GMEB1: variants seen among roughly 807,000 people sequenced by gnomAD.
GMEB1 encodes the protein glucocorticoid modulatory element binding protein 1, also known as glucocorticoid modulatory element-binding protein 1.
A neutral mutation model predicts 52.4 loss-of-function variants in GMEB1; 6 were observed. The observed-to-expected ratio is 0.11, with a 90% CI of 0.06 to 0.23. The LOEUF (loss-of-function observed/expected upper bound fraction) is 0.23, where lower values mean the gene tolerates loss of function less well. Ranked by LOEUF, GMEB1 falls within the 10% of genes least tolerant of loss-of-function variation. The pLI, the probability that GMEB1 is intolerant of heterozygous loss-of-function variation, is 1.00. For synonymous variants in GMEB1, 255 were observed against 244.9 expected, an observed-to-expected ratio of 1.04 and a Z score of -0.38; for missense variants, 486 against 685.6, an observed-to-expected ratio of 0.71 and a Z score of 3.25.
chr1:28,716,353 G>A lies in GMEB1; in HGVS notation c.*1580G>A, dbSNP rs955281040. ...AGGGAGTTCCTCAATGAAACCAGCT[G>A]CCTTTTTTGGTGGGGCCATTTTTTT... On this transcript the variant is annotated 3_prime_UTR_variant, in exon 10 of 10. Transcript: ENST00000373816. 6.6e-6 allele frequency: 1 copy of A among 152,156 alleles called. No homozygotes were observed. Among genetic ancestry groups the A allele is most frequent in the Non-Finnish European group, 1.5e-5 (1 of 68,040 alleles). 9.4% of individuals were successfully genotyped at this position (152,156 alleles called of 1,614,324 possible).
chr1:28,679,071 A>G (rs1669282596), intron 1 of GMEB1, among the ~76,000 whole-genome samples: 1 of 151,776 alleles, frequency 6.6e-6, no homozygotes, highest in Admixed American at 6.6e-5. Flanking sequence ...TATTTTTAGC[A>G]GAGACGGTTT....
intron 6 of GMEB1, among the ~76,000 whole-genome samples, chr1:28,699,619 G>A (rs1261395831): frequency 6.6e-6 from 1 of 151,844 alleles, no homozygotes; most frequent in Non-Finnish European, 1.5e-5. Context: ...TAGTAGAGAC[G>A]GAGTTTCACC....
intron 8 of GMEB1, among the ~76,000 whole-genome samples, chr1:28,705,445 CTT>C (rs34597945): frequency 1.5e-4 from 19 of 123,072 alleles, no homozygotes; most frequent in Non-Finnish European, 2.7e-4. Flanking sequence ...TATGTATTTT[CTT>C]TTTTTTTTTT....
chr1:28,675,167 G>A (rs1486043388), intron 1 of GMEB1, among the ~76,000 whole-genome samples: 5 of 151,426 alleles, frequency 3.3e-5, no homozygotes, highest in African/African-American at 1.2e-4. Flanking sequence ...ACAGGCGTGC[G>A]CTACCACGCT....
At chr1:28,693,637 G>C (rs192064194) in intron 5 of GMEB1, among the ~76,000 whole-genome samples, 1 of 152,112 alleles carries the variant, frequency 6.6e-6, no homozygotes, top group Non-Finnish European at 1.5e-5. Context: ...GTTTTTAGTA[G>C]AGACGGGGTT....
At chr1:28,687,908 A>G (rs1669762203) in intron 2 of GMEB1, among the ~76,000 whole-genome samples, 1 of 152,098 alleles carries the variant, frequency 6.6e-6, no homozygotes, top group Admixed American at 6.6e-5. Flanking sequence ...AGGAAGAAGA[A>G]TAGTTTGAGG....
rs766282643 is a variant in GMEB1 at position 28,697,075 on chromosome 1, T to C, written c.589T>C (p.Ser197Pro). ...GACAAGTGTGGTGCAGACACCCACTTCGGCTGATGGTAGGGGGTAGGAAAC... is the reference window on the plus strand; with the variant it reads ...GACAAGTGTGGTGCAGACACCCACTCCGGCTGATGGTAGGGGGTAGGAAAC... ...QQTSVVQTPT[S>P]ADGSITQIAI... The change falls in exon 6 of 10, where the codon TCG becomes CCG. Residue 197 changes from serine to proline, a missense_variant. Physicochemically the swap from Ser to Pro is moderately conservative, Grantham distance 74. Coordinates refer to ENST00000373816, the MANE Select transcript of GMEB1 (RefSeq NM_001319674.2). The C allele has an allele frequency of 6.2e-7, 1 of 1,603,322 alleles. No homozygotes were observed. Among genetic ancestry groups the C allele is most frequent in the South Asian group, 1.1e-5 (1 of 89,590 alleles).
chr1:28,692,333 AC>A (rs1399753251), intron 4 of GMEB1, among the ~76,000 whole-genome samples: 2 of 152,066 alleles, frequency 1.3e-5, no homozygotes, highest in Admixed American at 6.6e-5. Flanking sequence ...GGAGGTAGAG[AC>A]CAGCCTGGAC....
At chr1:28,680,978 A>C (rs1669364502) in intron 1 of GMEB1, among the ~76,000 whole-genome samples, 2 of 152,082 alleles carry the variant, frequency 1.3e-5, no homozygotes, top group East Asian at 3.8e-4. Flanking sequence ...CAGAAGGCGG[A>C]GGTTATAGTG....
In GMEB1 at chr1:28,716,656, G is replaced by A. The variant is rs1320649850; in HGVS notation, c.*1883G>A. 6.6e-6 allele frequency: 1 copy of A among 151,754 alleles called. No homozygotes were observed. The highest frequency in any genetic ancestry group is 2.4e-5 in the African/African-American group (1 of 41,320). 9.4% of individuals were successfully genotyped at this position (151,754 alleles called of 1,614,324 possible). A position where few individuals can be genotyped will look rare whatever the true frequency, so the allele number is the denominator to read the frequency against. The stretch of plus-strand genomic sequence containing the variant: ...CTGAGGCACCAACTAGATGTCTCTT[G>A]AGTGAGCTGGACTCCCTGGGAAAGA... On this transcript the variant is annotated 3_prime_UTR_variant, in exon 10 of 10. Coordinates refer to ENST00000373816, the MANE Select transcript of GMEB1 (RefSeq NM_001319674.2).
At chr1:28,706,189 G>T (rs1222401622) in intron 8 of GMEB1, among the ~76,000 whole-genome samples, 1 of 150,282 alleles carries the variant, frequency 6.7e-6, no homozygotes, top group Non-Finnish European at 1.5e-5. Context: ...AATAAATAAA[G>T]ATTATTCTCA....
chr1:28,705,040 A>C (rs1182308089), intron 8 of GMEB1, among the ~76,000 whole-genome samples: 1 of 148,570 alleles, frequency 6.7e-6, no homozygotes, highest in Non-Finnish European at 1.5e-5. Context: ...CTATGATCAT[A>C]GGACTCTACT....
upstream of GMEB1, chr1:28,668,742 T>TGGC (rs35229620): frequency 0.06 from 9,138 of 152,744 alleles, 363 homozygotes; most frequent in East Asian, 0.14. Flanking sequence ...AAGCCCGGCC[T>TGGC]GGCGGCGGCG....
rs6687535 is a variant in GMEB1, at chr1:28,704,138, A to G, written c.731-54A>G. On this transcript the variant is annotated intron_variant, in intron 7 of 9. Coordinates refer to ENST00000373816, the MANE Select transcript of GMEB1 (RefSeq NM_001319674.2). ...AATTTAACGTTGTAGAGATTTGCCTAAGTATCTAGGTAGTGTCTCTTTTTT... is the reference window on the plus strand; with the variant it reads ...AATTTAACGTTGTAGAGATTTGCCTGAGTATCTAGGTAGTGTCTCTTTTTT... 7.0e-4 allele frequency: 1,017 copies of G among 1,454,760 alleles called. 8 individuals carry two copies. In the African/African-American group the frequency reaches 0.013, roughly 19 times the overall value. 90.1% of individuals were successfully genotyped at this position (1,454,760 alleles called of 1,614,324 possible).
At chr1:28,687,130 G>C (rs879809017) in intron 2 of GMEB1, among the ~76,000 whole-genome samples, 2 of 151,576 alleles carry the variant, frequency 1.3e-5, no homozygotes, top group African/African-American at 2.4e-5. Context: ...GAGTCCAGGA[G>C]TTCAAGGCCA....
rs201524415 is a variant in GMEB1 at position 28,672,197 on chromosome 1, TTTTATTTATTTATTTA to T, written c.-31+3382_-31+3397del. 1.2e-4 allele frequency among the ~76,000 whole-genome samples: 16 copies of T among 136,076 alleles called. No homozygotes were observed. In the East Asian group the frequency reaches 2.1e-3, roughly 18 times the overall value. The allele number at this position is 136,076 out of a possible 152,430, so 89.3% of individuals were successfully genotyped here. A position where few individuals can be genotyped will look rare whatever the true frequency, so the allele number is the denominator to read the frequency against. The stretch of plus-strand genomic sequence containing the variant: ...TTTTACTTTTTTTTTTAACTTTTAT[TTTTATTTATTTATTTA>T]TTTATTTATTTATTTATTTATTTTT... On this transcript the variant is annotated intron_variant, in intron 1 of 9. Transcript: ENST00000373816.
intron 6 of GMEB1, among the ~76,000 whole-genome samples, chr1:28,698,842 G>A (rs527406973): frequency 1.6e-3 from 248 of 151,924 alleles, no homozygotes; most frequent in African/African-American, 5.8e-3. Context: ...AAATTAGCCG[G>A]GTGTGGTGGC....
intron 9 of GMEB1, 51 bp from the exon 10 acceptor site, chr1:28,714,022 C>A: frequency 7.3e-7 from 1 of 1,364,474 alleles, no homozygotes; most frequent in Non-Finnish European, 1.0e-6. Context: ...CAGTTTAATG[C>A]TCCCAAGATT....
rs1161076315 is a variant in GMEB1 at position 28,687,334 on chromosome 1, T to TCACA, written c.129-2719_129-2716dup. ...CTGGGCAACAGAATGAGACCCTATC[T>TCACA]CACACACACACACACACACACACAC... On this transcript the variant is annotated intron_variant, in intron 2 of 9. Transcript: ENST00000373816. Among the ~76,000 whole-genome samples, 75 of 54,106 alleles carry TCACA rather than the reference T, an allele frequency of 1.4e-3. 8 individuals are homozygous for TCACA. Among genetic ancestry groups the TCACA allele is most frequent in the African/African-American group, 4.7e-3 (66 of 13,968 alleles). 35.5% of individuals were successfully genotyped at this position (54,106 alleles called of 152,430 possible). A position where few individuals can be genotyped will look rare whatever the true frequency, so the allele number is the denominator to read the frequency against.
Sources: allele counts gnomAD v4.1 joint callset (sites outside exome capture counted in the v4.1 genomes callset), GRCh38; gene constraint gnomAD v4.1.1; transcripts MANE v1.5; gene names NCBI Gene and HGNC (gene_info 2026-07-23, HGNC 2026-07-21).